The following TAS2R1 variants were observed in gnomAD, a reference collection of about 807,000 sequenced individuals.
TAS2R1 encodes taste receptor type 2 member 1.
For synonymous variants in TAS2R1, 141 were observed against 134.2 expected (o/e 1.05, Z -0.35); for missense variants, 370 against 353.4 (o/e 1.05, Z -0.38).
At chr5:9,810,677 C>T in the TAS2R1 span, among the ~76,000 whole-genome samples, 1 of 152,052 alleles carries the variant, frequency 6.6e-6, no homozygotes, top group African/African-American at 2.4e-5. Flanking sequence ...AAGTGAGGTG[C>T]TAATATCTGG....
At chr5:9,881,588 T>G in the TAS2R1 span, among the ~76,000 whole-genome samples, 1 of 152,156 alleles carries the variant, frequency 6.6e-6, no homozygotes, top group African/African-American at 2.4e-5. Context: ...GGAAGTATCA[T>G]GTGACCCAAC....
At chr5:9,693,280 G>A (rs887457017) in intron 1 of TAS2R1, among the ~76,000 whole-genome samples, 1 of 152,106 alleles carries the variant, frequency 6.6e-6, no homozygotes, top group East Asian at 1.9e-4. Context: ...AGGCCAAGGT[G>A]GGTGGATCAC....
chr5:9,698,778 G>A (rs1741415899), intron 1 of TAS2R1, among the ~76,000 whole-genome samples: 1 of 152,176 alleles, frequency 6.6e-6, no homozygotes, highest in Non-Finnish European at 1.5e-5. Context: ...ACAAGTGGCT[G>A]AACCGCAATG....
chr5:9,660,640 T>C (rs1292122860), intron 1 of TAS2R1, among the ~76,000 whole-genome samples: 3 of 152,186 alleles, frequency 2.0e-5, no homozygotes. Flanking sequence ...TCTTAATCCC[T>C]AGGACTTGTG....
the TAS2R1 span, among the ~76,000 whole-genome samples, chr5:9,827,194 G>A: frequency 1.3e-5 from 2 of 152,128 alleles, no homozygotes; most frequent in South Asian, 2.1e-4. Flanking sequence ...AGTTAGAAAT[G>A]GTACCAACCT....
chr5:9,849,136 A>G, the TAS2R1 span, among the ~76,000 whole-genome samples: 1 of 152,198 alleles, frequency 6.6e-6, no homozygotes, highest in South Asian at 2.1e-4. Flanking sequence ...CATTGTGAAA[A>G]CAAGTCCCAG....
intron 1 of TAS2R1, among the ~76,000 whole-genome samples, chr5:9,680,861 T>C (rs1740980243): frequency 6.6e-6 from 1 of 151,900 alleles, no homozygotes; most frequent in Non-Finnish European, 1.5e-5. Context: ...AAAACCATCC[T>C]GGCCAACATG....
the TAS2R1 span, among the ~76,000 whole-genome samples, chr5:9,726,418 C>T: frequency 2.3e-3 from 345 of 152,244 alleles, 2 homozygotes; most frequent in African/African-American, 8.0e-3. Flanking sequence ...AGAATAAAAG[C>T]AGGTTGTCCG....
the TAS2R1 span, among the ~76,000 whole-genome samples, chr5:9,771,277 C>T: frequency 2.0e-5 from 3 of 152,068 alleles, no homozygotes; most frequent in Non-Finnish European, 2.9e-5. Context: ...GAAATGATCA[C>T]GTGGTTTTTA....
At chr5:9,725,907 C>A in the TAS2R1 span, among the ~76,000 whole-genome samples, 1 of 150,390 alleles carries the variant, frequency 6.6e-6, no homozygotes, top group Non-Finnish European at 1.5e-5. Context: ...CACTCTGTAT[C>A]TAGCTATTCT....
the TAS2R1 span, among the ~76,000 whole-genome samples, chr5:9,806,399 C>G: frequency 1.3e-5 from 2 of 151,970 alleles, no homozygotes; most frequent in Non-Finnish European, 2.9e-5. Flanking sequence ...AAAAAACAAT[C>G]CTAAAATTCC....
intron 2 of TAS2R1, among the ~76,000 whole-genome samples, chr5:9,650,510 T>C (rs1052499855): frequency 2.0e-5 from 3 of 152,158 alleles, no homozygotes; most frequent in African/African-American, 7.2e-5. Context: ...ATGCCTCTAA[T>C]ATTATGTTGG....
the TAS2R1 span, among the ~76,000 whole-genome samples, chr5:9,761,717 T>C: frequency 1.3e-5 from 2 of 152,200 alleles, no homozygotes; most frequent in African/African-American, 4.8e-5. Context: ...GATGTGTGAG[T>C]GCATCAAATG....
chr5:9,645,056 C>A (rs867176258), intron 2 of TAS2R1, among the ~76,000 whole-genome samples: 22 of 152,214 alleles, frequency 1.4e-4, no homozygotes, highest in African/African-American at 5.1e-4. Flanking sequence ...TATTTCTATG[C>A]ACCAGAACAA....
chr5:9,779,542 T>C, the TAS2R1 span, among the ~76,000 whole-genome samples: 1 of 152,148 alleles, frequency 6.6e-6, no homozygotes, highest in Non-Finnish European at 1.5e-5. Flanking sequence ...TATCATGTAA[T>C]AGGGAGGCAA....
chr5:9,695,028 G>T (rs903439769), intron 1 of TAS2R1, among the ~76,000 whole-genome samples: 1 of 152,176 alleles, frequency 6.6e-6, no homozygotes, highest in Non-Finnish European at 1.5e-5. Flanking sequence ...CAAATCCCAA[G>T]GGCACTGTTT....
intron 1 of TAS2R1, among the ~76,000 whole-genome samples, chr5:9,707,350 C>G (rs1011224381): frequency 6.6e-6 from 1 of 152,180 alleles, no homozygotes. Flanking sequence ...GCAGGCTACG[C>G]CCATCCTCAT....
the TAS2R1 span, among the ~76,000 whole-genome samples, chr5:9,780,443 TG>T: frequency 6.6e-6 from 1 of 152,242 alleles, no homozygotes; most frequent in Non-Finnish European, 1.5e-5. Flanking sequence ...TTGACAGAGC[TG>T]GGACCCCCTA....
chr5:9,835,183 G>A, the TAS2R1 span, among the ~76,000 whole-genome samples: 1 of 152,208 alleles, frequency 6.6e-6, no homozygotes, highest in African/African-American at 2.4e-5. Context: ...CATCTGGAAA[G>A]GCCAAGGGGA....
Sources: allele counts gnomAD v4.1 joint callset (sites outside exome capture counted in the v4.1 genomes callset), GRCh38; gene constraint gnomAD v4.1.1; transcripts MANE v1.5; gene names NCBI Gene and HGNC (gene_info 2026-07-23, HGNC 2026-07-21).